Variants in BCKDHB observed in about 807,000 individuals in gnomAD.
The protein encoded by BCKDHB is 2-oxoisovalerate dehydrogenase subunit beta, mitochondrial.
In BCKDHB, 41 loss-of-function variants were observed where a neutral mutation model predicts 48.5. The ratio of observed to expected loss-of-function variants is 0.85; its 90% CI spans 0.66 to 1.10. BCKDHB has a LOEUF of 1.10. Among genes scored for constraint, BCKDHB ranks in the 50% least tolerant of loss-of-function variants. The pLI, the probability that BCKDHB is intolerant of heterozygous loss-of-function variation, is 0.00. For synonymous variants in BCKDHB, 201 were observed against 174.8 expected, an observed-to-expected ratio of 1.15 and a Z score of -1.18; for missense variants, 496 against 494.2, an observed-to-expected ratio of 1.00 and a Z score of -0.03.
chr6:80,145,940 C>G (rs1771463704), intron 3 of BCKDHB, among the ~76,000 whole-genome samples: 1 of 152,020 alleles, frequency 6.6e-6, no homozygotes, highest in South Asian at 2.1e-4. Context: ...GTTGGAGATG[C>G]CATCCTAGGA....
chr6:80,272,677 T>C (rs16891625), intron 8 of BCKDHB, among the ~76,000 whole-genome samples: 4,323 of 152,284 alleles, frequency 0.028, 182 homozygotes, highest in African/African-American at 0.099. Context: ...TCCTTTGCTA[T>C]AGCTTTCACA....
intron 8 of BCKDHB, among the ~76,000 whole-genome samples, chr6:80,250,142 C>T (rs759346568): frequency 6.6e-6 from 1 of 152,060 alleles, no homozygotes; most frequent in Non-Finnish European, 1.5e-5. Context: ...CTGACCTCTG[C>T]CGGCCTCCCC....
At chr6:80,236,802 A>C (rs1194210318) in intron 8 of BCKDHB, among the ~76,000 whole-genome samples, 4 of 152,208 alleles carry the variant, frequency 2.6e-5, no homozygotes, top group African/African-American at 4.8e-5. Flanking sequence ...AGAGAGATTG[A>C]AAGAGACTTT....
At chr6:80,202,766 A>G (rs185435445) in intron 7 of BCKDHB, among the ~76,000 whole-genome samples, 47 of 121,160 alleles carry the variant, frequency 3.9e-4, no homozygotes, top group Middle Eastern at 0.01. Context: ...TTTTTTCCTT[A>G]AATGTTGGTG....
intron 3 of BCKDHB, among the ~76,000 whole-genome samples, chr6:80,142,734 A>C (rs1771285014): frequency 6.6e-6 from 1 of 152,098 alleles, no homozygotes; most frequent in Non-Finnish European, 1.5e-5. Context: ...AAGACTATTA[A>C]GTTTATTTAT....
the BCKDHB span, among the ~76,000 whole-genome samples, chr6:80,372,969 G>A: frequency 1.3e-5 from 2 of 152,082 alleles, no homozygotes; most frequent in Non-Finnish European, 1.5e-5. Context: ...TTCATAGAAT[G>A]ATTTAGGGAG....
chr6:80,218,753 C>T (rs541400390), intron 8 of BCKDHB, among the ~76,000 whole-genome samples: 2 of 152,172 alleles, frequency 1.3e-5, no homozygotes, highest in South Asian at 4.2e-4. Flanking sequence ...TTCTTTCCTC[C>T]CTTCCAATTC....
At chr6:80,223,339 T>C (rs1216157153) in intron 8 of BCKDHB, among the ~76,000 whole-genome samples, 1 of 152,150 alleles carries the variant, frequency 6.6e-6, no homozygotes, top group Non-Finnish European at 1.5e-5. Context: ...GTTGGTTTCT[T>C]TCTAAAAGCT....
At chr6:80,177,475 G>T (rs1773219625) in intron 6 of BCKDHB, among the ~76,000 whole-genome samples, 1 of 152,046 alleles carries the variant, frequency 6.6e-6, no homozygotes, top group Non-Finnish European at 1.5e-5. Context: ...GAGATAAAGA[G>T]AAAGGAAAGA....
chr6:80,439,784 A>C, the BCKDHB span, among the ~76,000 whole-genome samples: 4 of 152,232 alleles, frequency 2.6e-5, no homozygotes, highest in African/African-American at 9.6e-5. Context: ...GGCCTGGGAT[A>C]GAGAATAGAG....
the BCKDHB span, among the ~76,000 whole-genome samples, chr6:80,447,886 G>A: frequency 6.6e-6 from 1 of 152,048 alleles, no homozygotes; most frequent in African/African-American, 2.4e-5. Context: ...CAAGTTTGGT[G>A]AGTTAAAATA....
In BCKDHB at chr6:80,149,867, T is replaced by C. The variant is rs1336142937; in HGVS notation, c.344-17811T>C. On this transcript the variant is annotated intron_variant, in intron 3 of 9. Coordinates refer to ENST00000320393, the MANE Select transcript of BCKDHB (RefSeq NM_183050.4). ...GGGGGAGGGATAGCATTAGGAGATA[T>C]ACCTAATGCTAAATGACGAGTTAAT... Among the ~76,000 whole-genome samples the C allele has an allele frequency of 3.3e-5, 5 of 149,644 alleles. No homozygotes were observed. The East Asian group carries it at 8.0e-4, about 24-fold the overall frequency.
intron 8 of BCKDHB, among the ~76,000 whole-genome samples, chr6:80,255,581 T>G (rs1777015644): frequency 6.6e-6 from 1 of 152,158 alleles, no homozygotes; most frequent in South Asian, 2.1e-4. Flanking sequence ...CAGCATGCAG[T>G]GGGAGAAACT....
intron 9 of BCKDHB, among the ~76,000 whole-genome samples, chr6:80,333,139 T>G (rs1013846236): frequency 6.6e-6 from 1 of 152,142 alleles, no homozygotes; most frequent in African/African-American, 2.4e-5. Context: ...TAGCACTAAG[T>G]ACAGAATTCC....
At chr6:80,261,401 G>A (rs1220588986) in intron 8 of BCKDHB, among the ~76,000 whole-genome samples, 1 of 151,974 alleles carries the variant, frequency 6.6e-6, no homozygotes, top group Non-Finnish European at 1.5e-5. Flanking sequence ...GCCAGGGGAG[G>A]AGGGGGAAAG....
chr6:80,117,353 C>T (rs770520119), intron 1 of BCKDHB, among the ~76,000 whole-genome samples: 1 of 152,154 alleles, frequency 6.6e-6, no homozygotes, highest in Non-Finnish European at 1.5e-5. Context: ...TCTTTGCTTC[C>T]TCCCTACTAA....
chr6:80,130,726 A>G (rs141882501), intron 3 of BCKDHB, among the ~76,000 whole-genome samples: 1 of 152,342 alleles, frequency 6.6e-6, no homozygotes, highest in East Asian at 1.9e-4. Flanking sequence ...AAAATTGCTC[A>G]TGTTTTCAGA....
At chr6:80,304,808 A>G (rs1767771099) in intron 9 of BCKDHB, among the ~76,000 whole-genome samples, 1 of 152,138 alleles carries the variant, frequency 6.6e-6, no homozygotes, top group Non-Finnish European at 1.5e-5. Flanking sequence ...TTGACTAAAA[A>G]GAAAACTATA....
intron 9 of BCKDHB, among the ~76,000 whole-genome samples, chr6:80,317,811 G>A (rs1484497181): frequency 6.6e-6 from 1 of 152,114 alleles, no homozygotes; most frequent in African/African-American, 2.4e-5. Context: ...ACCACAGTGG[G>A]CCCAGGATAT....
Sources: allele counts gnomAD v4.1 joint callset (sites outside exome capture counted in the v4.1 genomes callset), GRCh38; gene constraint gnomAD v4.1.1; transcripts MANE v1.5; gene names NCBI Gene and HGNC (gene_info 2026-07-23, HGNC 2026-07-21).